The following VAV3 variants were observed in gnomAD, a reference collection of about 807,000 sequenced individuals.
VAV3 encodes the protein guanine nucleotide exchange factor VAV3.
VAV3 carries 94 observed loss-of-function variants against 131.2 expected under a neutral mutation model. The ratio of observed to expected loss-of-function variants is 0.72; its 90% CI spans 0.61 to 0.85. VAV3 has a LOEUF of 0.85. VAV3 is among the 40% of genes least tolerant of loss of function. The pLI is 0.00. For missense variants in VAV3, 939 were observed against 1,002.7 expected, an observed-to-expected ratio of 0.94 and a Z score of 0.86; for synonymous variants, 349 against 342.0, an observed-to-expected ratio of 1.02 and a Z score of -0.22.
In VAV3 at chr1:107,964,763, G is replaced by C. The variant is rs1300083495; in HGVS notation, c.107C>G (p.Thr36Ser). 5.0e-6 allele frequency: 8 copies of C among 1,614,000 alleles called. No homozygotes were observed. Among genetic ancestry groups the C allele is most frequent in the Non-Finnish European group, 4.2e-6 (5 of 1,180,014 alleles). Reference sequence around the variant, plus strand: ...GCAGAGCAGGACTCCATCGCGGAGGGTCTGCGCAAGGTCGAACACCTGAGC... The same window carrying C: ...GCAGAGCAGGACTCCATCGCGGAGGCTCTGCGCAAGGTCGAACACCTGAGC... The part of the protein sequence containing the change: ...DSAQVFDLAQ[T>S]LRDGVLLCQL... The change falls in exon 1 of 27, where the codon ACC becomes AGC. Residue 36 changes from threonine (T) to serine (S), a missense_variant. Thr to Ser is a moderately conservative substitution (Grantham distance 58). Coordinates refer to ENST00000370056, the MANE Select transcript of VAV3 (RefSeq NM_006113.5).
intron 25 of VAV3, among the ~76,000 whole-genome samples, chr1:107,576,839 A>G (rs1649690580): frequency 6.6e-6 from 1 of 152,228 alleles, no homozygotes; most frequent in South Asian, 2.1e-4. Flanking sequence ...TATTATAAAG[A>G]AAAGCCTGTA....
chr1:107,663,329 T>C (rs930259858), intron 19 of VAV3, among the ~76,000 whole-genome samples: 1 of 152,078 alleles, frequency 6.6e-6, no homozygotes, highest in Non-Finnish European at 1.5e-5. Flanking sequence ...AGATGAGAAA[T>C]GTCTGTCCTA....
At chr1:107,936,160 C>T (rs544757215) in intron 1 of VAV3, among the ~76,000 whole-genome samples, 4 of 152,220 alleles carry the variant, frequency 2.6e-5, no homozygotes, top group Admixed American at 2.0e-4. Context: ...ATAGATAAAA[C>T]ATCCTGAAAA....
At chr1:107,731,464 A>G (rs1662233293) in intron 15 of VAV3, among the ~76,000 whole-genome samples, 1 of 152,182 alleles carries the variant, frequency 6.6e-6, no homozygotes, top group East Asian at 1.9e-4. Flanking sequence ...AGGGATAGCA[A>G]TCTTCATATA....
intron 2 of VAV3, among the ~76,000 whole-genome samples, chr1:107,832,626 T>C (rs1348226163): frequency 6.6e-6 from 1 of 152,242 alleles, no homozygotes; most frequent in Non-Finnish European, 1.5e-5. Flanking sequence ...TCCAACTGTC[T>C]AATATCCAGG....
intron 1 of VAV3, among the ~76,000 whole-genome samples, chr1:107,921,488 G>A (rs1156480554): frequency 1.3e-5 from 2 of 152,216 alleles, no homozygotes; most frequent in African/African-American, 2.4e-5. Flanking sequence ...AAGAATGTTT[G>A]CCTAAAAAGC....
At chr1:107,843,119 A>G (rs891849970) in intron 2 of VAV3, among the ~76,000 whole-genome samples, 1 of 152,000 alleles carries the variant, frequency 6.6e-6, no homozygotes, top group Non-Finnish European at 1.5e-5. Flanking sequence ...GAAACCTATG[A>G]GTCAAATTCT....
rs146849853 is a variant in VAV3, at chr1:107,781,738, A to G, written c.322-2246T>C. On this transcript the variant is annotated intron_variant, in intron 2 of 26. Transcript: ENST00000370056. ...AAATACAATTGAAACCCTTCATGCA[A>G]TTTCTTCCTGGTCAACTATGTCGAA... Among the ~76,000 whole-genome samples the G allele has an allele frequency of 4.4e-3, 669 of 152,290 alleles. 5 individuals are homozygous for G. Among genetic ancestry groups the G allele is most frequent in the African/African-American group, 0.015 (640 of 41,566 alleles).
chr1:107,769,563 C>A (rs1337046619), intron 6 of VAV3, among the ~76,000 whole-genome samples: 1 of 152,220 alleles, frequency 6.6e-6, no homozygotes, highest in Non-Finnish European at 1.5e-5. Context: ...AGTCCCAGGG[C>A]CTTAATGCCA....
intron 19 of VAV3, among the ~76,000 whole-genome samples, chr1:107,661,659 T>A (rs1302724584): frequency 6.6e-6 from 1 of 152,208 alleles, no homozygotes; most frequent in Non-Finnish European, 1.5e-5. Flanking sequence ...CATATGTGCA[T>A]GTTTATCATT....
chr1:107,642,744 T>A lies in VAV3; in HGVS notation c.1789A>T (p.Met597Leu), dbSNP rs764378586. The change falls in exon 20 of 27, where the codon ATG (methionine) becomes TTG (leucine). Residue 597 changes from methionine (M) to leucine (L), a missense_variant. Met to Leu is a conservative substitution (Grantham distance 15). Coordinates refer to ENST00000370056, the MANE Select transcript of VAV3 (RefSeq NM_006113.5). ...PKQVDPGLPK[M>L]QVIRNYSGTP... ...CCAGAATAGTTCCTAATGACCTGCA[T>A]CTTTGGTAAACCTGAAAATAAGCCA... 1.9e-6 allele frequency: 3 copies of A among 1,613,370 alleles called. No homozygotes were observed. The highest frequency in any genetic ancestry group is 2.5e-6 in the Non-Finnish European group (3 of 1,179,566).
intron 15 of VAV3, among the ~76,000 whole-genome samples, chr1:107,708,148 G>T (rs1570795415): frequency 6.6e-6 from 1 of 152,154 alleles, no homozygotes; most frequent in East Asian, 1.9e-4. Context: ...CAGGGACCAA[G>T]GAAAGAAGTG....
chr1:107,950,666 C>T (rs1312530897), intron 1 of VAV3, among the ~76,000 whole-genome samples: 5 of 152,128 alleles, frequency 3.3e-5, no homozygotes, highest in Non-Finnish European at 7.3e-5. Flanking sequence ...AAGGAGGGTG[C>T]TCTAGGAGTC....
Position 107,698,967 on chromosome 1 carries a change from T to C in VAV3, c.1705+5583A>G, listed in dbSNP as rs1365063516. ...TCCCTCCCTTGATATGTGGGGATTATGGGGATTACAATTCGAGATGAGATT... is the reference window on the plus strand; with the variant it reads ...TCCCTCCCTTGATATGTGGGGATTACGGGGATTACAATTCGAGATGAGATT... On this transcript the variant is annotated intron_variant, in intron 17 of 26. Coordinates refer to ENST00000370056, the MANE Select transcript of VAV3 (RefSeq NM_006113.5). Among the ~76,000 whole-genome samples the C allele has an allele frequency of 2.6e-5, 4 of 152,242 alleles. No individual in the cohort carries two copies. The South Asian group carries it at 6.2e-4, about 24-fold the overall frequency.
In VAV3 at chr1:107,800,169, C is replaced by T. The variant is rs1302713514; in HGVS notation, c.322-20677G>A. ...CTAAACATGGGAGTGCAGATAGATA[C>T]CTCTTCAATATATTTATTTCCACTA... is the stretch of plus-strand genomic sequence containing the variant. On this transcript the variant is annotated intron_variant, in intron 2 of 26. Coordinates refer to ENST00000370056, the MANE Select transcript of VAV3 (RefSeq NM_006113.5). Among the ~76,000 whole-genome samples the T allele has an allele frequency of 2.0e-5, 3 of 152,012 alleles. No homozygotes were observed. In the South Asian group the frequency reaches 6.2e-4, roughly 32 times the overall value.
chr1:107,749,312 T>C, intron 14 of VAV3, 150 bp downstream of exon 14: 1 of 952,576 alleles, frequency 1.0e-6, no homozygotes, highest in Non-Finnish European at 1.5e-6. Flanking sequence ...CATTATCCAG[T>C]TATTTCTCAC....
intron 24 of VAV3, 37 bp from the exon 25 acceptor site, chr1:107,596,378 A>G: frequency 6.2e-7 from 1 of 1,608,158 alleles, no homozygotes; most frequent in Non-Finnish European, 8.5e-7. Flanking sequence ...TTTGATAAGG[A>G]TACTTTTGTT....
intron 2 of VAV3, among the ~76,000 whole-genome samples, chr1:107,796,762 G>C (rs1267719644): frequency 4.7e-5 from 7 of 148,572 alleles, no homozygotes; most frequent in Admixed American, 2.7e-4. Context: ...CACAAGTGGA[G>C]TTCAAGAAAT....
chr1:107,617,679 A>G (rs1366738256), intron 20 of VAV3, 47 bp from the exon 21 acceptor site: 4 of 1,562,706 alleles, frequency 2.6e-6, no homozygotes, highest in African/African-American at 1.4e-5. Context: ...ATTTACCACA[A>G]ATGATAACCC....
Sources: gnomAD v4.1 joint callset for allele counts (sites outside exome capture counted in the v4.1 genomes callset) on GRCh38, gnomAD v4.1.1 for gene constraint, MANE v1.5 for transcripts, NCBI Gene and HGNC (gene_info 2026-07-23, HGNC 2026-07-21) for gene names.